NFAT5: variants seen among roughly 807,000 people sequenced by gnomAD.
NFAT5 encodes the protein nuclear factor of activated T cells 5.
Under a neutral mutation model 166.5 loss-of-function variants are expected in NFAT5, and 31 were observed. The observed-to-expected ratio is 0.19, with a 90% confidence interval of 0.14 to 0.25. NFAT5 has a LOEUF of 0.25. Ranked by LOEUF, NFAT5 falls within the 10% of genes least tolerant of loss-of-function variation. The pLI, the probability that NFAT5 is intolerant of heterozygous loss-of-function variation, is 1.00. For synonymous variants in NFAT5, 612 were observed against 639.7 expected, an observed-to-expected ratio of 0.96 and a Z score of 0.65; for missense variants, 1,449 against 1,821.8, an observed-to-expected ratio of 0.80 and a Z score of 3.72.
intron 2 of NFAT5, among the ~76,000 whole-genome samples, chr16:69,605,427 G>A (rs72801330): frequency 0.059 from 8,977 of 152,232 alleles, 294 homozygotes; most frequent in Middle Eastern, 0.11. Flanking sequence ...GCAACAGAGC[G>A]ACAGTGTCTC....
intron 14 of NFAT5, 180 bp downstream of exon 14, chr16:69,695,559 C>T (rs1466278133): frequency 1.7e-6 from 1 of 572,570 alleles, no homozygotes. Context: ...TTAATACAGA[C>T]CAGGCCGGGC....
intron 5 of NFAT5, among the ~76,000 whole-genome samples, chr16:69,654,700 A>C (rs994117424): frequency 6.6e-6 from 1 of 152,090 alleles, no homozygotes; most frequent in East Asian, 1.9e-4. Context: ...CAAATACTAC[A>C]CTCCTCCATG....
At chr16:69,695,441 T>G in intron 14 of NFAT5, 62 bp downstream of exon 14, 3 of 1,168,734 alleles carry the variant, frequency 2.6e-6, no homozygotes, top group Non-Finnish European at 3.8e-6. Flanking sequence ...TTAACAGATT[T>G]AGGTTAAGTA....
chr16:69,660,049 T>G (rs771414763), intron 7 of NFAT5, 150 bp downstream of exon 7: 1 of 646,714 alleles, frequency 1.5e-6, no homozygotes, highest in Non-Finnish European at 2.5e-6. Flanking sequence ...AGTCAGATTT[T>G]CTAGACCAAA....
intron 1 of NFAT5, among the ~76,000 whole-genome samples, 200 bp from the exon 2 acceptor site, chr16:69,568,295 G>A (rs568481637): frequency 5.3e-5 from 8 of 151,718 alleles, no homozygotes; most frequent in African/African-American, 1.9e-4. Context: ...ACTCCAGCCT[G>A]GGCAAAAAGA....
intron 5 of NFAT5, 98 bp from the exon 6 acceptor site, chr16:69,655,511 C>A: frequency 1.1e-6 from 1 of 882,840 alleles, no homozygotes; most frequent in Non-Finnish European, 1.6e-6. Context: ...AAATGTAATT[C>A]AGTTACAAGT....
Position 69,695,117 on chromosome 16 carries a change from G to C in NFAT5, c.4415-19G>C, listed in dbSNP as rs149776149. 3.2e-6 allele frequency: 5 copies of C among 1,585,140 alleles called. No individual in the cohort carries two copies. The highest frequency in any genetic ancestry group is 3.5e-6 in the Non-Finnish European group (4 of 1,154,498). On this transcript the variant is annotated intron_variant, in intron 13 of 14. Transcript: ENST00000349945. ...GACTGTAGTCAGCTTTTAAGCTTCTGTTTTCAATGTCTCTGCAGACTGTAG... is the reference window on the plus strand; with the variant it reads ...GACTGTAGTCAGCTTTTAAGCTTCTCTTTTCAATGTCTCTGCAGACTGTAG...
At chr16:69,574,124 GC>G (rs1311454365) in intron 2 of NFAT5, among the ~76,000 whole-genome samples, 1 of 151,898 alleles carries the variant, frequency 6.6e-6, no homozygotes, top group African/African-American at 2.4e-5. Context: ...ACCCACCTCG[GC>G]CCCCCAAAGT....
At chr16:69,686,841 C>T (rs565306665) in intron 11 of NFAT5, among the ~76,000 whole-genome samples, 178 of 152,032 alleles carry the variant, frequency 1.2e-3, no homozygotes, top group Non-Finnish European at 1.4e-3. Context: ...TCAGCCTGGG[C>T]GACACAGTAA....
chr16:69,696,117 A>C (rs2037758611), intron 14 of NFAT5, among the ~76,000 whole-genome samples: 1 of 152,254 alleles, frequency 6.6e-6, no homozygotes. Flanking sequence ...TTGCCTTGGA[A>C]TAACAAAACA....
At chr16:69,635,074 G>C (rs142411812) in intron 3 of NFAT5, among the ~76,000 whole-genome samples, 1 of 132,808 alleles carries the variant, frequency 7.5e-6, no homozygotes, top group Admixed American at 8.7e-5. Context: ...GCAATGGTGC[G>C]ATCTCAGCTC....
chr16:69,704,461 G>A lies in NFAT5; in HGVS notation c.*8110G>A, dbSNP rs1430980473. ...TTTGTGTATATGGCTTTCATAGTTG[G>A]GATTTCAGAGCACTGATACCAGATA... On this transcript the variant is annotated 3_prime_UTR_variant, in exon 15 of 15. Transcript: ENST00000349945. 2 of 152,442 alleles carry A rather than the reference G, an allele frequency of 1.3e-5. No homozygotes were observed. Among genetic ancestry groups the A allele is most frequent in the Non-Finnish European group, 2.9e-5 (2 of 67,990 alleles). The allele number at this position is 152,442 out of a possible 1,614,324, so 9.4% of individuals were successfully genotyped here. A position where few individuals can be genotyped will look rare whatever the true frequency, so the allele number is the denominator to read the frequency against.
At chr16:69,613,506 T>G (rs2033799234) in intron 2 of NFAT5, among the ~76,000 whole-genome samples, 2 of 152,242 alleles carry the variant, frequency 1.3e-5, no homozygotes, top group Admixed American at 1.3e-4. Context: ...ATGTTACTGC[T>G]TGTAACTTCC....
chr16:69,681,065 A>G (rs547845663), intron 10 of NFAT5, among the ~76,000 whole-genome samples: 1 of 152,156 alleles, frequency 6.6e-6, no homozygotes, highest in Non-Finnish European at 1.5e-5. Flanking sequence ...ACTTTTTTGT[A>G]TTTTATGAAA....
chr16:69,658,725 G>A (rs989468197), intron 6 of NFAT5, among the ~76,000 whole-genome samples: 2 of 152,148 alleles, frequency 1.3e-5, no homozygotes, highest in Non-Finnish European at 1.5e-5. Flanking sequence ...TACTCAGGAG[G>A]CTGAGGCATG....
chr16:69,659,582 C>A, intron 6 of NFAT5, 145 bp from the exon 7 acceptor site: 1 of 520,232 alleles, frequency 1.9e-6, no homozygotes, highest in Non-Finnish European at 3.2e-6. Flanking sequence ...CCCTTTTGTA[C>A]TTTTTGAACT....
At position 69,647,455 on chromosome 16, in the gene NFAT5, G is replaced by A; in HGVS notation, c.681G>A (p.Arg227=). The part of the protein sequence containing the change: ...RKSRKRNPKQ[R]PGVKRRDCEE... ...CACGAAAACGAAATCCAAAGCAGAGGCCGGGGGTCAAACGACGAGATTGTG... is the reference window on the plus strand; with the variant it reads ...CACGAAAACGAAATCCAAAGCAGAGACCGGGGGTCAAACGACGAGATTGTG... Residue 227 remains arginine, a synonymous_variant, in exon 4 of 15, where the codon AGG becomes AGA. Coordinates refer to ENST00000349945, the MANE Select transcript of NFAT5 (RefSeq NM_138713.4). This position sits in a 1 kb window ranked among gnomAD's most constrained non-coding sequence, Gnocchi z 4.8. The A allele has an allele frequency of 6.2e-7, 1 of 1,614,044 alleles. No homozygotes were observed. The highest frequency in any genetic ancestry group is 8.5e-7 in the Non-Finnish European group (1 of 1,180,024).
chr16:69,642,381 T>C (rs1178239195), intron 3 of NFAT5, among the ~76,000 whole-genome samples: 1 of 152,240 alleles, frequency 6.6e-6, no homozygotes, highest in African/African-American at 2.4e-5. Flanking sequence ...TATGACACTT[T>C]ACCTGCCTCT....
At chr16:69,573,005 G>C (rs1370606056) in intron 2 of NFAT5, among the ~76,000 whole-genome samples, 1 of 152,136 alleles carries the variant, frequency 6.6e-6, no homozygotes, top group Admixed American at 6.5e-5. Context: ...ACCACACCCA[G>C]CTAATTTTTG....
Sources: allele counts gnomAD v4.1 joint callset (sites outside exome capture counted in the v4.1 genomes callset), GRCh38; gene constraint gnomAD v4.1.1; non-coding constraint Gnocchi (gnomAD v3.1); transcripts MANE v1.5; gene names NCBI Gene and HGNC (gene_info 2026-07-23, HGNC 2026-07-21).